OGDH: variants seen among roughly 807,000 people sequenced by gnomAD.
OGDH encodes the protein 2-oxoglutarate dehydrogenase complex component E1.
OGDH carries 38 observed loss-of-function variants against 116.6 expected under a neutral mutation model. The observed-to-expected ratio is 0.33, with a 90% confidence interval of 0.25 to 0.43. The LOEUF is 0.43. Among genes scored for constraint, OGDH ranks in the 20% least tolerant of loss-of-function variants. The pLI is 1.00. For missense variants in OGDH, 825 were observed against 1,357.2 expected, an observed-to-expected ratio of 0.61 and a Z score of 6.16; for synonymous variants, 488 against 533.3, an observed-to-expected ratio of 0.92 and a Z score of 1.17.
chr7:44,694,273 A>G lies in OGDH; in HGVS notation c.1516-151A>G. ...TACTGTGTGAAGGAGAGATACACAG[A>G]ATCCTAATTCTAGAGAAGGTAAACT... On this transcript the variant is annotated intron_variant, in intron 11 of 22. Transcript: ENST00000222673. This position sits in a 1 kb window ranked among gnomAD's most constrained non-coding sequence, Gnocchi z 4.2. 1.0e-6 allele frequency: 1 copy of G among 1,002,132 alleles called. No homozygotes were observed. Among genetic ancestry groups the G allele is most frequent in the Non-Finnish European group, 1.4e-6 (1 of 692,626 alleles). The allele number at this position is 1,002,132 out of a possible 1,614,324, so 62.1% of individuals were successfully genotyped here. A position where few individuals can be genotyped will look rare whatever the true frequency, so the allele number is the denominator to read the frequency against.
intron 5 of OGDH, among the ~76,000 whole-genome samples, chr7:44,668,157 G>A (rs1787266659): frequency 6.6e-6 from 1 of 152,196 alleles, no homozygotes. Flanking sequence ...TGAGTGTCCA[G>A]GCCAGGCACA....
At chr7:44,688,825 C>T (rs918659229) in intron 10 of OGDH, among the ~76,000 whole-genome samples, 8 of 152,258 alleles carry the variant, frequency 5.3e-5, no homozygotes, top group Admixed American at 2.6e-4. Context: ...TCTCAGCTCA[C>T]TGCAACCTCC....
chr7:44,669,145 CTTT>C (rs869250474), intron 5 of OGDH, among the ~76,000 whole-genome samples: 33 of 77,796 alleles, frequency 4.2e-4, no homozygotes, highest in Middle Eastern at 8.9e-3. Flanking sequence ...AGCCCGGCAG[CTTT>C]TTTTTTTTTT....
At chr7:44,642,984 C>T (rs1362850430) in intron 2 of OGDH, among the ~76,000 whole-genome samples, 1 of 151,150 alleles carries the variant, frequency 6.6e-6, no homozygotes, top group African/African-American at 2.4e-5. Flanking sequence ...TGGCCTGGTC[C>T]TGGTGACTCA....
At chr7:44,680,811 G>T (rs1420712968) in intron 9 of OGDH, among the ~76,000 whole-genome samples, 1 of 152,192 alleles carries the variant, frequency 6.6e-6, no homozygotes, top group Non-Finnish European at 1.5e-5. Flanking sequence ...AAGCAAGGAG[G>T]TGCTCATGAA....
rs71858267 is a variant in OGDH at position 44,676,614 on chromosome 7, GTATATATA to G, written c.1206+485_1206+492del. ...TATATGTATGTATGTGTGTGTGTGT[GTATATATA>G]TATATATATATATATATATTTAAAA... On this transcript the variant is annotated intron_variant, in intron 9 of 22. Transcript: ENST00000222673. 3.8e-3 allele frequency: 502 copies of G among 130,982 alleles called. 1 individual carries two copies. The highest frequency in any genetic ancestry group is 0.016 in the African/African-American group (451 of 27,546). 8.1% of individuals were successfully genotyped at this position (130,982 alleles called of 1,614,324 possible). A position where few individuals can be genotyped will look rare whatever the true frequency, so the allele number is the denominator to read the frequency against.
intron 4 of OGDH, among the ~76,000 whole-genome samples, chr7:44,665,912 C>T (rs913499244): frequency 2.0e-5 from 3 of 152,184 alleles, no homozygotes; most frequent in Non-Finnish European, 4.4e-5. Flanking sequence ...AGAAAGAGCT[C>T]TTCCAGCATT....
rs1788487298 is a variant in OGDH at position 44,694,264 on chromosome 7, G to C, written c.1516-160G>C. On this transcript the variant is annotated intron_variant, in intron 11 of 22. Transcript: ENST00000222673. The surrounding 1 kb of genome is among the most constrained non-coding windows in gnomAD (Gnocchi z 4.2). ...GAGCAGCTCTACTGTGTGAAGGAGA[G>C]ATACACAGAATCCTAATTCTAGAGA... Among the ~76,000 whole-genome samples the C allele has an allele frequency of 6.6e-6, 1 of 152,130 alleles. No individual in the cohort carries two copies. The highest frequency in any genetic ancestry group is 6.6e-5 in the Admixed American group (1 of 15,254).
intron 10 of OGDH, among the ~76,000 whole-genome samples, chr7:44,688,591 C>A (rs1160005719): frequency 1.3e-5 from 2 of 151,710 alleles, no homozygotes; most frequent in African/African-American, 4.8e-5. Context: ...CCACCATGCC[C>A]AGCTAATTTT....
chr7:44,670,854 G>C (rs1787407076), intron 5 of OGDH, among the ~76,000 whole-genome samples: 4 of 151,274 alleles, frequency 2.6e-5, no homozygotes, highest in African/African-American at 2.4e-5. Context: ...ACTAAAAATA[G>C]AAGAAAATTA....
At chr7:44,686,351 A>G (rs1301369252) in intron 10 of OGDH, among the ~76,000 whole-genome samples, 1 of 152,190 alleles carries the variant, frequency 6.6e-6, no homozygotes, top group East Asian at 1.9e-4. Flanking sequence ...TGGACAGTAT[A>G]TATAATGAAT....
At chr7:44,677,126 T>C (rs1787736011) in intron 9 of OGDH, among the ~76,000 whole-genome samples, 1 of 152,188 alleles carries the variant, frequency 6.6e-6, no homozygotes, top group Non-Finnish European at 1.5e-5. Context: ...ATATTTCCTA[T>C]TAATGATGAC....
chr7:44,691,042 G>C (rs1380325352), intron 10 of OGDH, among the ~76,000 whole-genome samples: 1 of 152,072 alleles, frequency 6.6e-6, no homozygotes, highest in Non-Finnish European at 1.5e-5. Context: ...GTTAGATTTT[G>C]CTAATATTTT....
chr7:44,611,255 G>A (rs1234070265), intron 1 of OGDH, among the ~76,000 whole-genome samples: 1 of 150,496 alleles, frequency 6.6e-6, no homozygotes, highest in Non-Finnish European at 1.5e-5. Flanking sequence ...GCTAATTTTT[G>A]TATTTTTTGT....
At chr7:44,704,043 C>T (rs779579482) in intron 20 of OGDH, among the ~76,000 whole-genome samples, 8 of 152,160 alleles carry the variant, frequency 5.3e-5, no homozygotes, top group Non-Finnish European at 1.0e-4. Flanking sequence ...TTCTTTGAGT[C>T]CCTGCTTTCA....
rs575540614 is a variant in OGDH, at chr7:44,645,259, C to G, written c.223-68C>G. The G allele has an allele frequency of 2.1e-6, 3 of 1,443,204 alleles. No individual in the cohort carries two copies. The South Asian group carries it at 3.7e-5, about 18-fold the overall frequency. 89.4% of individuals were successfully genotyped at this position (1,443,204 alleles called of 1,614,324 possible). On this transcript the variant is annotated intron_variant, in intron 2 of 22. Coordinates refer to ENST00000222673, the MANE Select transcript of OGDH (RefSeq NM_002541.4). ...TGCCTTGCCTGCAGAGAGCAGTTCT[C>G]TGTGGCCACAGATGCATCCTGGACT... is the stretch of plus-strand genomic sequence containing the variant.
chr7:44,691,255 A>G (rs1170068245), intron 10 of OGDH, among the ~76,000 whole-genome samples: 1 of 152,142 alleles, frequency 6.6e-6, no homozygotes, highest in East Asian at 1.9e-4. Flanking sequence ...GCCAGATGCA[A>G]TGGCTCAAAC....
chr7:44,648,899 C>T (rs749906454), intron 4 of OGDH, among the ~76,000 whole-genome samples: 32 of 152,062 alleles, frequency 2.1e-4, no homozygotes, highest in East Asian at 7.7e-4. Flanking sequence ...TTTTTCATTC[C>T]GTGGTGACAA....
chr7:44,675,662 G>A (rs187232091), intron 8 of OGDH, among the ~76,000 whole-genome samples: 59 of 152,252 alleles, frequency 3.9e-4, no homozygotes, highest in African/African-American at 1.3e-3. Context: ...CGGATCACGT[G>A]AGGTCGAGAG....
Sources: gnomAD v4.1 joint callset for allele counts (sites outside exome capture counted in the v4.1 genomes callset) on GRCh38, gnomAD v4.1.1 for gene constraint, Gnocchi (gnomAD v3.1) non-coding constraint, MANE v1.5 for transcripts, NCBI Gene and HGNC (gene_info 2026-07-23, HGNC 2026-07-21) for gene names.